ESRRG: variants seen among roughly 807,000 people sequenced by gnomAD.
ESRRG encodes the protein estrogen related receptor gamma, also known as estrogen-related receptor gamma.
ESRRG carries 13 observed loss-of-function variants against 44.0 expected under a neutral mutation model. That is an observed-to-expected ratio of 0.30 (90% CI 0.19 to 0.47). The LOEUF is 0.47. Ranked by LOEUF, ESRRG falls within the 20% of genes least tolerant of loss-of-function variation. The probability of loss-of-function intolerance (pLI) is 1.00; values close to 1 mark genes in which losing one functional copy is unlikely to be tolerated. For missense variants in ESRRG, 395 were observed against 580.6 expected (o/e 0.68, Z 3.29); for synonymous variants, 215 against 214.6 (o/e 1.00, Z -0.02).
intron 2 of ESRRG, among the ~76,000 whole-genome samples, chr1:216,656,190 A>T (rs1015218614): frequency 6.6e-6 from 1 of 152,190 alleles, no homozygotes; most frequent in Non-Finnish European, 1.5e-5. Flanking sequence ...TTCATTTCAG[A>T]CACGGAGTTT....
chr1:216,877,379 G>GTTTTTTTTTT (rs72314566), intron 2 of ESRRG, among the ~76,000 whole-genome samples: 1 of 141,050 alleles, frequency 7.1e-6, no homozygotes, highest in African/African-American at 2.5e-5. Context: ...TAGGTATGGT[G>GTTTTTTTTTT]TTTTTTTTTG....
chr1:216,624,390 G>A (rs774471036), intron 3 of ESRRG, among the ~76,000 whole-genome samples: 13 of 152,116 alleles, frequency 8.5e-5, no homozygotes, highest in Non-Finnish European at 1.9e-4. Flanking sequence ...ATATCCCAGA[G>A]GTAAGAAACA....
chr1:217,135,547 T>TGTTGGCGGCGGCGGC (rs1553295403), intron 1 of ESRRG, among the ~76,000 whole-genome samples: 1 of 150,994 alleles, frequency 6.6e-6, no homozygotes, highest in Non-Finnish European at 1.5e-5. Context: ...GCGGCGGCGG[T>TGTTGGCGGCGGCGGC]GTTGGCGGCG....
chr1:217,018,343 C>T (rs2079750649), intron 1 of ESRRG, among the ~76,000 whole-genome samples: 1 of 152,128 alleles, frequency 6.6e-6, no homozygotes, highest in Admixed American at 6.6e-5. Context: ...CTAGACTGGT[C>T]CCGTTTCCCT....
At chr1:216,559,422 G>C (rs1300047283) in intron 5 of ESRRG, among the ~76,000 whole-genome samples, 3 of 152,176 alleles carry the variant, frequency 2.0e-5, no homozygotes, top group Non-Finnish European at 4.4e-5. Context: ...TGGAAACTTG[G>C]AGCCAGTTAA....
intron 2 of ESRRG, among the ~76,000 whole-genome samples, chr1:216,908,192 C>G (rs1303350779): frequency 6.6e-6 from 1 of 152,186 alleles, no homozygotes; most frequent in Admixed American, 6.5e-5. Context: ...AGTGGACTTG[C>G]TGGCAGAAAC....
At chr1:216,832,434 C>A (rs1052145045) in intron 2 of ESRRG, among the ~76,000 whole-genome samples, 7 of 152,144 alleles carry the variant, frequency 4.6e-5, no homozygotes, top group Non-Finnish European at 2.9e-5. Context: ...GAGCTAGAGA[C>A]AAGTCACCTG....
intron 1 of ESRRG, among the ~76,000 whole-genome samples, chr1:217,100,283 T>C (rs949678957): frequency 6.6e-6 from 1 of 152,172 alleles, no homozygotes; most frequent in Non-Finnish European, 1.5e-5. Context: ...GTGGTCAATA[T>C]AGTCAAGATA....
At chr1:216,679,171 CTTGTG>C (rs2076599991) in intron 1 of ESRRG, among the ~76,000 whole-genome samples, 1 of 152,242 alleles carries the variant, frequency 6.6e-6, no homozygotes, top group African/African-American at 2.4e-5. Context: ...CGCCCACCCA[CTTGTG>C]TTGTCCTTTC....
intron 1 of ESRRG, among the ~76,000 whole-genome samples, chr1:216,685,826 A>G (rs551744579): frequency 6.6e-6 from 1 of 152,316 alleles, no homozygotes; most frequent in African/African-American, 2.4e-5. Flanking sequence ...TGTTTTGCAA[A>G]AGCAATTACA....
At chr1:217,067,302 T>C (rs2089887847) in intron 1 of ESRRG, among the ~76,000 whole-genome samples, 1 of 152,202 alleles carries the variant, frequency 6.6e-6, no homozygotes, top group Non-Finnish European at 1.5e-5. Flanking sequence ...ATTAAATTGA[T>C]TATTAAATAA....
intron 2 of ESRRG, among the ~76,000 whole-genome samples, chr1:216,929,609 G>A (rs1057082028): frequency 6.6e-6 from 1 of 152,156 alleles, no homozygotes; most frequent in Non-Finnish European, 1.5e-5. Context: ...AATGGCATTT[G>A]AAATGAAAAA....
intron 3 of ESRRG, among the ~76,000 whole-genome samples, chr1:216,613,536 T>G (rs2060967133): frequency 6.6e-6 from 1 of 152,230 alleles, no homozygotes; most frequent in Middle Eastern, 3.2e-3. Context: ...AATCTTTACG[T>G]ATGAGACCAC....
At chr1:216,604,882 T>C (rs138532459) in intron 3 of ESRRG, among the ~76,000 whole-genome samples, 97 of 152,274 alleles carry the variant, frequency 6.4e-4, no homozygotes, top group African/African-American at 2.3e-3. Flanking sequence ...CCAAATACAC[T>C]GTAACATTTT....
At chr1:216,786,936 T>C (rs1384667230) in intron 2 of ESRRG, among the ~76,000 whole-genome samples, 2 of 152,306 alleles carry the variant, frequency 1.3e-5, no homozygotes, top group African/African-American at 4.8e-5. Flanking sequence ...CCTTGTTTTA[T>C]TGCACTTCAC....
intron 2 of ESRRG, among the ~76,000 whole-genome samples, chr1:216,905,876 G>A (rs1436882): frequency 0.11 from 16,454 of 152,100 alleles, 1,084 homozygotes; most frequent in East Asian, 0.23. Flanking sequence ...TCAGCCTCCT[G>A]AGTACCTGGG....
chr1:217,014,089 C>T (rs1199027014), intron 1 of ESRRG, among the ~76,000 whole-genome samples: 1 of 151,926 alleles, frequency 6.6e-6, no homozygotes, highest in South Asian at 2.1e-4. Flanking sequence ...TTTTTTACCC[C>T]CTTTCCCTCC....
chr1:217,083,900 T>A (rs146907134), intron 1 of ESRRG, among the ~76,000 whole-genome samples: 1 of 152,216 alleles, frequency 6.6e-6, no homozygotes, highest in Non-Finnish European at 1.5e-5. Context: ...GCTAACAATT[T>A]TCCTGATTTA....
intron 1 of ESRRG, among the ~76,000 whole-genome samples, chr1:216,960,558 T>C (rs1216038748): frequency 6.7e-6 from 1 of 150,318 alleles, no homozygotes; most frequent in African/African-American, 2.4e-5. Flanking sequence ...CATTCAATAC[T>C]ACGCTTTTAT....
Sources: gnomAD v4.1 joint callset for allele counts (sites outside exome capture counted in the v4.1 genomes callset) on GRCh38, gnomAD v4.1.1 for gene constraint, MANE v1.5 for transcripts, NCBI Gene and HGNC (gene_info 2026-07-23, HGNC 2026-07-21) for gene names.